IMMP2L: variants seen among roughly 807,000 people sequenced by gnomAD.
IMMP2L encodes inner mitochondrial membrane peptidase subunit 2.
A neutral mutation model predicts 19.3 loss-of-function variants in IMMP2L; 18 were observed. The ratio of observed to expected loss-of-function variants is 0.93; its 90% confidence interval spans 0.64 to 1.38. The LOEUF (loss-of-function observed/expected upper bound fraction) is 1.38. Ranked by LOEUF, IMMP2L falls within the 40% of genes most tolerant of loss-of-function variation. The pLI is 0.00. For synonymous variants in IMMP2L, 76 were observed against 73.0 expected (o/e 1.04, Z -0.21); for missense variants, 233 against 218.2 (o/e 1.07, Z -0.43).
intron 5 of IMMP2L, among the ~76,000 whole-genome samples, chr7:110,730,618 G>A (rs969058472): frequency 4.6e-5 from 7 of 151,320 alleles, no homozygotes; most frequent in Middle Eastern, 3.5e-3. Flanking sequence ...TCCGCCTCCC[G>A]GGTTCAGGCC....
intron 5 of IMMP2L, among the ~76,000 whole-genome samples, chr7:110,852,041 T>G (rs1806273026): frequency 6.6e-6 from 1 of 152,076 alleles, no homozygotes; most frequent in Admixed American, 6.6e-5. Flanking sequence ...GTGATACAGC[T>G]TCCACTTCGC....
chr7:110,745,879 A>G (rs1797305602), intron 5 of IMMP2L, among the ~76,000 whole-genome samples: 1 of 152,216 alleles, frequency 6.6e-6, no homozygotes, highest in Admixed American at 6.5e-5. Context: ...TCATAATGGC[A>G]GGATCAAATT....
At chr7:110,910,343 T>A (rs896827725) in intron 4 of IMMP2L, among the ~76,000 whole-genome samples, 1 of 152,184 alleles carries the variant, frequency 6.6e-6, no homozygotes, top group Non-Finnish European at 1.5e-5. Context: ...TTCAGCAAAG[T>A]AACCTGATGA....
intron 1 of IMMP2L, among the ~76,000 whole-genome samples, chr7:111,538,409 C>T (rs1473365223): frequency 6.6e-6 from 1 of 151,966 alleles, no homozygotes; most frequent in African/African-American, 2.4e-5. Context: ...GTCTCCATCT[C>T]TTACCTGATA....
chr7:111,031,913 T>C (rs1217494053), intron 3 of IMMP2L, among the ~76,000 whole-genome samples: 1 of 150,604 alleles, frequency 6.6e-6, no homozygotes, highest in African/African-American at 2.4e-5. Context: ...AATGCCGCTA[T>C]GACCATGAAA....
rs531156857 is a variant in IMMP2L at position 111,310,713 on chromosome 7, C to T, written c.239+176525G>A. Among the ~76,000 whole-genome samples, 13 of 152,218 alleles carry T rather than the reference C, an allele frequency of 8.5e-5. No individual in the cohort carries two copies. The South Asian group carries it at 2.5e-3, about 29-fold the overall frequency. The stretch of plus-strand genomic sequence containing the variant: ...TACATCGCCCTGACAGTAAAGTATA[C>T]TGCATTCTTGGTCAGATGAATGTAA... On this transcript the variant is annotated intron_variant, in intron 3 of 5. Transcript: ENST00000405709.
At chr7:111,404,012 G>A (rs569059407) in intron 3 of IMMP2L, among the ~76,000 whole-genome samples, 19 of 152,140 alleles carry the variant, frequency 1.2e-4, no homozygotes, top group Non-Finnish European at 2.2e-4. Flanking sequence ...TAATCCAGCA[G>A]CGGCATAACA....
chr7:111,077,323 C>T (rs1795500242), intron 3 of IMMP2L, among the ~76,000 whole-genome samples: 1 of 152,022 alleles, frequency 6.6e-6, no homozygotes, highest in South Asian at 2.1e-4. Flanking sequence ...AAAACATTAC[C>T]CTTACATTAC....
rs1809207709 is a variant in IMMP2L at position 110,877,597 on chromosome 7, A to C, written c.408+8996T>G. 1.3e-5 allele frequency among the ~76,000 whole-genome samples: 2 copies of C among 152,170 alleles called. No individual in the cohort carries two copies. On this transcript the variant is annotated intron_variant, in intron 5 of 5. Transcript: ENST00000405709. This position sits in a 1 kb window ranked among gnomAD's most constrained non-coding sequence, Gnocchi z 4.0. Reference sequence around the variant, plus strand: ...GGATCTGGAAAATTTGGCGGGAGACAGGATCAAAAGGGTTTGACTGCCCTG... The same window carrying C: ...GGATCTGGAAAATTTGGCGGGAGACCGGATCAAAAGGGTTTGACTGCCCTG...
At chr7:111,061,759 A>T (rs183049020) in intron 3 of IMMP2L, among the ~76,000 whole-genome samples, 10 of 152,342 alleles carry the variant, frequency 6.6e-5, no homozygotes, top group African/African-American at 2.4e-4. Flanking sequence ...AGCCAAAGTA[A>T]TATTTAAAAG....
intron 3 of IMMP2L, among the ~76,000 whole-genome samples, chr7:110,975,364 C>T (rs959252742): frequency 2.6e-5 from 4 of 152,108 alleles, no homozygotes; most frequent in African/African-American, 9.7e-5. Flanking sequence ...AAAGACTCAG[C>T]TGTTTAGAAT....
chr7:110,697,975 C>T (rs1377112589), intron 5 of IMMP2L, among the ~76,000 whole-genome samples: 1 of 152,072 alleles, frequency 6.6e-6, no homozygotes, highest in Non-Finnish European at 1.5e-5. Context: ...TGCTAAAATA[C>T]TATGGTTAAA....
chr7:111,556,612 T>C (rs112070702), intron 1 of IMMP2L, among the ~76,000 whole-genome samples: 1 of 57,678 alleles, frequency 1.7e-5, no homozygotes, highest in Non-Finnish European at 5.7e-5. Flanking sequence ...CTAACAGTCA[T>C]TGATGATTGT....
At chr7:111,535,324 G>A (rs1456894863) in intron 1 of IMMP2L, among the ~76,000 whole-genome samples, 2 of 151,794 alleles carry the variant, frequency 1.3e-5, no homozygotes, top group African/African-American at 2.4e-5. Context: ...AAGGAAGGGA[G>A]GGAAGGAAAG....
At chr7:111,339,041 T>C (rs1269269335) in intron 3 of IMMP2L, among the ~76,000 whole-genome samples, 1 of 152,088 alleles carries the variant, frequency 6.6e-6, no homozygotes, top group African/African-American at 2.4e-5. Context: ...TAAATTACTG[T>C]AAAAACACTT....
chr7:111,525,573 T>A (rs932989804), intron 1 of IMMP2L, among the ~76,000 whole-genome samples: 4 of 152,022 alleles, frequency 2.6e-5, no homozygotes, highest in Non-Finnish European at 4.4e-5. Flanking sequence ...TGGAGTAGCA[T>A]GATAGTGGAG....
At chr7:110,701,141 C>T (rs1013972736) in intron 5 of IMMP2L, among the ~76,000 whole-genome samples, 1 of 152,064 alleles carries the variant, frequency 6.6e-6, no homozygotes, top group African/African-American at 2.4e-5. Flanking sequence ...CTGAAATGAC[C>T]ATTTATTACA....
chr7:110,827,782 G>A (rs915731968), intron 5 of IMMP2L, among the ~76,000 whole-genome samples: 8 of 152,084 alleles, frequency 5.3e-5, no homozygotes, highest in African/African-American at 1.7e-4. Context: ...CAGCTATTGT[G>A]TATCCCATGT....
At chr7:111,415,482 A>T (rs1205115420) in intron 3 of IMMP2L, among the ~76,000 whole-genome samples, 3 of 151,846 alleles carry the variant, frequency 2.0e-5, no homozygotes, top group Non-Finnish European at 4.4e-5. Context: ...GTGGCTTATT[A>T]AACAGCAATA....
Sources: gnomAD v4.1 joint callset for allele counts (sites outside exome capture counted in the v4.1 genomes callset) on GRCh38, gnomAD v4.1.1 for gene constraint, Gnocchi (gnomAD v3.1) non-coding constraint, MANE v1.5 for transcripts, NCBI Gene and HGNC (gene_info 2026-07-23, HGNC 2026-07-21) for gene names.